The following KANK1 variants were observed in gnomAD, a reference collection of about 807,000 sequenced individuals.
KANK1 encodes KN motif and ankyrin repeat domain-containing protein 1.
In KANK1, 109 loss-of-function variants were observed where a neutral mutation model predicts 106.2. That is an observed-to-expected ratio of 1.03 (90% CI 0.88 to 1.20). The LOEUF (loss-of-function observed/expected upper bound fraction) is 1.20, where lower values mean the gene tolerates loss of function less well. KANK1 is among the 50% of genes most tolerant of loss of function. The probability of loss-of-function intolerance (pLI) is 0.00; values close to 1 mark genes in which losing one functional copy is unlikely to be tolerated. For synonymous variants in KANK1, 873 were observed against 652.2 expected (o/e 1.34, Z -5.16); for missense variants, 2,399 against 1,710.7 (o/e 1.40, Z -7.10).
At position 563,736 on chromosome 9, in the gene KANK1, C is replaced by G. The variant is rs1412181685; in HGVS notation, c.-84+58982C>G. ...GGTTTCTCTTCTTTTTAATCAGAATCTCAAAATTGCTCTATGGTTCAGAAA... is the reference window on the plus strand; with the variant it reads ...GGTTTCTCTTCTTTTTAATCAGAATGTCAAAATTGCTCTATGGTTCAGAAA... On this transcript the variant is annotated intron_variant, in intron 1 of 11. Coordinates refer to ENST00000382297, the MANE Select transcript of KANK1 (RefSeq NM_015158.5). Among the ~76,000 whole-genome samples, 4 of 152,262 alleles carry G rather than the reference C, an allele frequency of 2.6e-5. No homozygotes were observed. In the East Asian group the frequency reaches 7.7e-4, roughly 29 times the overall value.
chr9:709,223 G>A (rs1325093764), intron 2 of KANK1, among the ~76,000 whole-genome samples: 1 of 152,210 alleles, frequency 6.6e-6, no homozygotes, highest in Non-Finnish European at 1.5e-5. Flanking sequence ...GAGAAACTGA[G>A]AAGTGGAAAA....
chr9:516,765 G>A (rs2059295156), intron 1 of KANK1, among the ~76,000 whole-genome samples: 1 of 151,620 alleles, frequency 6.6e-6, no homozygotes, highest in Admixed American at 6.6e-5. Context: ...CATTTTATCA[G>A]TAGCATACTA....
chr9:596,023 A>C (rs890806393), intron 1 of KANK1, among the ~76,000 whole-genome samples: 2 of 151,888 alleles, frequency 1.3e-5, no homozygotes, highest in Non-Finnish European at 2.9e-5. Context: ...ACAAGTCTAA[A>C]TAACAAGTTC....
chr9:638,564 G>A (rs1028623558), intron 1 of KANK1, among the ~76,000 whole-genome samples: 17 of 152,198 alleles, frequency 1.1e-4, no homozygotes, highest in Non-Finnish European at 4.4e-5. Flanking sequence ...GCTCTGTAAA[G>A]TGCCTCAATG....
upstream of KANK1, among the ~76,000 whole-genome samples, chr9:504,275 G>A (rs1483984819): frequency 6.6e-6 from 1 of 152,152 alleles, no homozygotes; most frequent in Non-Finnish European, 1.5e-5. Flanking sequence ...TGGTAAATAC[G>A]GGTTGGCAGA....
At position 711,443 on chromosome 9, in the gene KANK1, C is replaced by T. The variant is rs769853637; in HGVS notation, c.677C>T (p.Ala226Val). 3.1e-6 allele frequency: 5 copies of T among 1,614,002 alleles called. No homozygotes were observed. The Admixed American group carries it at 5.0e-5, about 16-fold the overall frequency. ...YQGNGDYGSY[A>V]PAAPTTSSMG... ...GGTAATGGGGATTATGGTAGCTATG[C>T]CCCAGCTGCTCCCACCACTTCCTCC... The change falls in exon 3 of 12, where the codon GCC becomes GTC. Residue 226 changes from alanine to valine, a missense_variant. Transcript: ENST00000382297.
intron 3 of KANK1, among the ~76,000 whole-genome samples, chr9:726,148 C>G (rs902295358): frequency 2.6e-5 from 4 of 151,166 alleles, no homozygotes; most frequent in Non-Finnish European, 4.4e-5. Flanking sequence ...TTTTTTTTTC[C>G]CATGAGTCAA....
At chr9:650,909 A>G (rs1298765521) in intron 1 of KANK1, among the ~76,000 whole-genome samples, 1 of 152,170 alleles carries the variant, frequency 6.6e-6, no homozygotes, top group South Asian at 2.1e-4. Context: ...AAAATAGGAA[A>G]TGAGAAGAAA....
chr9:553,595 AG>A (rs2061404871), intron 1 of KANK1, among the ~76,000 whole-genome samples: 1 of 152,208 alleles, frequency 6.6e-6, no homozygotes, highest in Admixed American at 6.5e-5. Flanking sequence ...TGTGTAACAC[AG>A]GGGATGAAGT....
At chr9:593,025 T>C (rs1825349773) in intron 1 of KANK1, among the ~76,000 whole-genome samples, 1 of 151,218 alleles carries the variant, frequency 6.6e-6, no homozygotes, top group South Asian at 2.1e-4. Context: ...TGTGACTGAC[T>C]TAGGGAGTTG....
intron 1 of KANK1, among the ~76,000 whole-genome samples, chr9:633,149 T>C (rs1836181388): frequency 6.6e-6 from 1 of 152,134 alleles, no homozygotes; most frequent in Non-Finnish European, 1.5e-5. Context: ...AAACCTTTTA[T>C]GGACTATTGA....
At position 711,156 on chromosome 9, in the gene KANK1, T is replaced by C. The variant is rs766219997; in HGVS notation, c.390T>C (p.Pro130=). Residue 130 remains proline, a synonymous_variant, in exon 3 of 12, where the codon CCT becomes CCC. Coordinates refer to ENST00000382297, the MANE Select transcript of KANK1 (RefSeq NM_015158.5). ...CTCCCCCTCTGGAGACCTCACTCCC[T>C]TTTCTTACCATCCCAGAAAATCGAC... The part of the protein sequence containing the change: ...KPPPPLETSL[P]FLTIPENRQL... 5 of 1,614,154 alleles carry C rather than the reference T, an allele frequency of 3.1e-6. No individual in the cohort carries two copies. Among genetic ancestry groups the C allele is most frequent in the Non-Finnish European group, 4.2e-6 (5 of 1,180,040 alleles).
At chr9:650,122 T>C (rs2137524655) in intron 1 of KANK1, among the ~76,000 whole-genome samples, 1 of 152,306 alleles carries the variant, frequency 6.6e-6, no homozygotes, top group Non-Finnish European at 1.5e-5. Context: ...CTTTACTGTT[T>C]TATTAATATG....
At chr9:654,021 G>A (rs961963981) in intron 1 of KANK1, among the ~76,000 whole-genome samples, 2 of 152,148 alleles carry the variant, frequency 1.3e-5, no homozygotes, top group Admixed American at 1.3e-4. Flanking sequence ...GCCCTTTCAT[G>A]CTTCCACATG....
intron 7 of KANK1, 129 bp downstream of exon 7, chr9:734,964 G>A: frequency 1.5e-6 from 1 of 676,418 alleles, no homozygotes; most frequent in Non-Finnish European, 2.6e-6. Flanking sequence ...TCCAGCATGA[G>A]TGGGCTGGGT....
chr9:602,310 T>A (rs7034553), intron 1 of KANK1, among the ~76,000 whole-genome samples: 39,686 of 151,598 alleles, frequency 0.26, 5,633 homozygotes, highest in Admixed American at 0.35. Context: ...GCCAGGCTGG[T>A]GTGCAGTGGT....
rs757755709 is a variant in KANK1, at chr9:614,924, G to A, written c.-83-61966G>A. Among the ~76,000 whole-genome samples, 99 of 151,900 alleles carry A rather than the reference G, an allele frequency of 6.5e-4. 1 individual carries two copies. Among genetic ancestry groups the A allele is most frequent in the Non-Finnish European group, 3.7e-4 (25 of 68,012 alleles). On this transcript the variant is annotated intron_variant, in intron 1 of 11. Transcript: ENST00000382297. ...ACAATTCTTAATATAGTACAAAATT[G>A]TACATATATAATTTTATGGTACCCA...
At chr9:699,765 C>G (rs1189696512) in intron 2 of KANK1, among the ~76,000 whole-genome samples, 1 of 152,130 alleles carries the variant, frequency 6.6e-6, no homozygotes, top group East Asian at 1.9e-4. Flanking sequence ...GTTTAGGTAG[C>G]TTTTTAAAAC....
chr9:505,377 C>A (rs988731267), intron 1 of KANK1, among the ~76,000 whole-genome samples: 2 of 152,058 alleles, frequency 1.3e-5, no homozygotes, highest in African/African-American at 2.4e-5. Context: ...GGCGCTGCGG[C>A]CTCTGGGGCG....
Sources: allele counts gnomAD v4.1 joint callset (sites outside exome capture counted in the v4.1 genomes callset), GRCh38; gene constraint gnomAD v4.1.1; transcripts MANE v1.5; gene names NCBI Gene and HGNC (gene_info 2026-07-23, HGNC 2026-07-21).